PRAMEF15: variants seen among roughly 807,000 people sequenced by gnomAD.
The protein encoded by PRAMEF15 is PRAME family member 15, also known as PRAME family member 9/15.
In PRAMEF15, 21 loss-of-function variants were observed where a neutral mutation model predicts 35.3. The ratio of observed to expected loss-of-function variants is 0.59; its 90% CI spans 0.42 to 0.86. The LOEUF (loss-of-function observed/expected upper bound fraction) is 0.86. Among genes scored for constraint, PRAMEF15 ranks in the 40% least tolerant of loss-of-function variants. The pLI is 0.00. For missense variants in PRAMEF15, 360 were observed against 574.1 expected, an observed-to-expected ratio of 0.63 and a Z score of 3.81; for synonymous variants, 122 against 223.3, an observed-to-expected ratio of 0.55 and a Z score of 4.05.
chr1:13,316,009 T>C lies in PRAMEF15; in HGVS notation c.-17+351T>C, dbSNP rs1232043992. Among the ~76,000 whole-genome samples, 9 of 150,848 alleles carry C rather than the reference T, an allele frequency of 6.0e-5. 1 individual carries two copies. The highest frequency in any genetic ancestry group is 2.2e-4 in the African/African-American group (9 of 40,836). On this transcript the variant is annotated intron_variant, in intron 1 of 3. Transcript: ENST00000376152. ...AACCCTCCTCTGCACAACGTTTTTTTTGGGGGTGGGGATGGAGTCTCACTG... is the reference window on the plus strand; with the variant it reads ...AACCCTCCTCTGCACAACGTTTTTTCTGGGGGTGGGGATGGAGTCTCACTG...
intron 1 of PRAMEF15, among the ~76,000 whole-genome samples, chr1:13,316,259 C>T (rs1393993509): frequency 2.0e-5 from 3 of 151,628 alleles, no homozygotes; most frequent in Non-Finnish European, 4.4e-5. Flanking sequence ...CTGCCTTGGC[C>T]TCCCAAAGTG....
chr1:13,321,819 G>A lies in PRAMEF15; in HGVS notation c.992G>A (p.Ser331Asn), dbSNP rs1221653023. Reference sequence around the variant, plus strand: ...AGTCAACTAAAGACCCTGGACCTGAGTGGCATCAGACTGACCAATTATAGT... The same window carrying A: ...AGTCAACTAAAGACCCTGGACCTGAATGGCATCAGACTGACCAATTATAGT... ...SISQLKTLDL[S>N]GIRLTNYSLV... Residue 331 changes from serine (S) to asparagine (N), a missense_variant, in exon 4 of 4, where the codon AGT becomes AAT. Physicochemically the swap from Ser to Asn is conservative, Grantham distance 46. Transcript: ENST00000376152. 6.8e-6 allele frequency: 11 copies of A among 1,608,130 alleles called. 1 individual carries two copies. The highest frequency in any genetic ancestry group is 9.3e-6 in the Non-Finnish European group (11 of 1,177,560).
intron 1 of PRAMEF15, among the ~76,000 whole-genome samples, chr1:13,316,903 G>A (rs1222160475): frequency 4.0e-5 from 6 of 150,420 alleles, no homozygotes; most frequent in African/African-American, 2.5e-5. Flanking sequence ...ACACATATTA[G>A]TAAAACTCCA....
At chr1:13,315,775 T>TAAA (rs1425537947) in intron 1 of PRAMEF15, 117 bp downstream of exon 1, 1 of 150,136 alleles carries the variant, frequency 6.7e-6, no homozygotes. Flanking sequence ...TTTTTTTTTT[T>TAAA]TATATGAACA....
At chr1:13,320,480 G>C (rs1472484282) in intron 3 of PRAMEF15, among the ~76,000 whole-genome samples, 4 of 152,200 alleles carry the variant, frequency 2.6e-5, no homozygotes, top group Admixed American at 1.3e-4. Context: ...CTACAGTGCA[G>C]TTGTGACATC....
intron 3 of PRAMEF15, among the ~76,000 whole-genome samples, chr1:13,320,181 G>A (rs1220575020): frequency 3.9e-5 from 6 of 152,068 alleles, no homozygotes; most frequent in Admixed American, 1.3e-4. Context: ...AGGCTGCCAT[G>A]CTAGGAAGCT....
In PRAMEF15 at chr1:13,322,052, A is replaced by C; in HGVS notation, c.1225A>C (p.Asn409His). 1 of 1,609,796 alleles carries C rather than the reference A, an allele frequency of 6.2e-7. No individual in the cohort carries two copies. The highest frequency in any genetic ancestry group is 8.5e-7 in the Non-Finnish European group (1 of 1,179,006). Residue 409 changes from asparagine (N) to histidine (H), a missense_variant, in exon 4 of 4, where the codon AAC becomes CAC. Physicochemically the swap from Asn to His is moderately conservative, Grantham distance 68 (BLOSUM62 1). Transcript: ENST00000376152. ...GCTGAGCCACACAATCATACTCAAA[A>C]ACTTATGTGTGGAGCTGTATCCTGC... ...NLLSHTIILK[N>H]LCVELYPAPR... is the part of the protein sequence containing the mutation.
rs1439613479 is a variant in PRAMEF15, at chr1:13,321,807, C to A, written c.980C>A (p.Thr327Asn). ...SQCPSISQLK[T>N]LDLSGIRLTN... ...TGCCCGAGTATCAGTCAACTAAAGA[C>A]CCTGGACCTGAGTGGCATCAGACTG... The change falls in exon 4 of 4, where the codon ACC becomes AAC. Residue 327 changes from threonine to asparagine, a missense_variant. Around this residue, in one of 8 missense-constraint regions of PRAMEF15, gnomAD observed 72 missense variants for 79.9 expected, o/e 0.90. Coordinates refer to ENST00000376152, the MANE Select transcript of PRAMEF15 (RefSeq NM_001098376.3). 6.2e-7 allele frequency: 1 copy of A among 1,608,468 alleles called. No individual in the cohort carries two copies. The highest frequency in any genetic ancestry group is 8.5e-7 in the Non-Finnish European group (1 of 1,177,588).
At position 13,321,729 on chromosome 1, in the gene PRAMEF15, T is replaced by C. The variant is rs1640086497; in HGVS notation, c.902T>C (p.Leu301Pro). The C allele has an allele frequency of 5.6e-6, 9 of 1,608,074 alleles. 1 individual carries two copies. The highest frequency in any genetic ancestry group is 6.8e-6 in the Non-Finnish European group (8 of 1,177,420). The change falls in exon 4 of 4, where the codon CTC (leucine) becomes CCC (proline). Residue 301 changes from leucine (L) to proline (P), a missense_variant. By Grantham distance (98) the Leu-to-Pro change is moderately conservative. Around this residue, in one of 8 missense-constraint regions of PRAMEF15, gnomAD observed 72 missense variants for 79.9 expected, o/e 0.90. Coordinates refer to ENST00000376152, the MANE Select transcript of PRAMEF15 (RefSeq NM_001098376.3). ...TGTCTGAAGACCTCGTTAAAAGTCC[T>C]CACAATAACTAACTGTGTGCTTTTG... ...LSCLKTSLKV[L>P]TITNCVLLES...
At chr1:13,319,092 G>A (rs1449015668) in intron 2 of PRAMEF15, among the ~76,000 whole-genome samples, 6 of 151,736 alleles carry the variant, frequency 4.0e-5, no homozygotes, top group African/African-American at 1.5e-4. Context: ...TACTTGTGAG[G>A]TTGAGGCAGG....
intron 1 of PRAMEF15, among the ~76,000 whole-genome samples, chr1:13,317,947 T>C (rs1569791364): frequency 6.6e-6 from 1 of 151,728 alleles, no homozygotes; most frequent in Non-Finnish European, 1.5e-5. Flanking sequence ...GCTTAAATAA[T>C]GAAAAGAAAA....
At chr1:13,316,193 G>A (rs1219725903) in intron 1 of PRAMEF15, among the ~76,000 whole-genome samples, 4 of 151,664 alleles carry the variant, frequency 2.6e-5, no homozygotes, top group Non-Finnish European at 4.4e-5. Flanking sequence ...TAGTAGAGGT[G>A]GGGTTTCACC....
At chr1:13,316,036 G>A (rs1438239968) in intron 1 of PRAMEF15, among the ~76,000 whole-genome samples, 3 of 150,772 alleles carry the variant, frequency 2.0e-5, no homozygotes, top group Non-Finnish European at 4.4e-5. Flanking sequence ...GTCTCACTGT[G>A]TTGCCCAGAC....
chr1:13,321,603 G>C, intron 3 of PRAMEF15, 100 bp from the exon 4 acceptor site: 1 of 1,300,076 alleles, frequency 7.7e-7, no homozygotes. Context: ...CCCTGGACTT[G>C]GGCAAAAAGG....
intron 2 of PRAMEF15, among the ~76,000 whole-genome samples, chr1:13,319,022 C>G (rs1640043939): frequency 6.6e-6 from 1 of 151,824 alleles, no homozygotes; most frequent in African/African-American, 2.4e-5. Context: ...TGGTAAACCC[C>G]AACTCTACTA....
At chr1:13,321,384 T>G (rs1374538870) in intron 3 of PRAMEF15, among the ~76,000 whole-genome samples, 1 of 151,470 alleles carries the variant, frequency 6.6e-6, no homozygotes, top group East Asian at 1.9e-4. Context: ...CTGGCTAATT[T>G]TTGGATTTTT....
intron 3 of PRAMEF15, 30 bp from the exon 4 acceptor site, chr1:13,321,673 C>G (rs1209653210): frequency 1.2e-6 from 2 of 1,607,218 alleles, no homozygotes; most frequent in Non-Finnish European, 8.5e-7. Flanking sequence ...TATGATTCCC[C>G]AGAATTAACT....
intron 1 of PRAMEF15, 67 bp from the exon 2 acceptor site, chr1:13,318,325 G>A (rs1640033008): frequency 1.3e-6 from 2 of 1,590,378 alleles, no homozygotes; most frequent in Admixed American, 1.7e-5. Context: ...TTGGCCATAG[G>A]AGAAGATGAG....
In PRAMEF15 at chr1:13,321,790, T is replaced by A. The variant is rs1344342061; in HGVS notation, c.963T>A (p.Ser321Arg). ...SDLKHLSQCPSISQLKTLDLS... is the reference protein window; with the variant it reads ...SDLKHLSQCPRISQLKTLDLS... ...TGAAGCATCTATCCCAGTGCCCGAG[T>A]ATCAGTCAACTAAAGACCCTGGACC... The change falls in exon 4 of 4, where the codon AGT becomes AGA. Residue 321 changes from serine to arginine, a missense_variant. Coordinates refer to ENST00000376152, the MANE Select transcript of PRAMEF15 (RefSeq NM_001098376.3). The A allele has an allele frequency of 6.2e-7, 1 of 1,608,576 alleles. No homozygotes were observed. The highest frequency in any genetic ancestry group is 2.3e-5 in the East Asian group (1 of 43,844).
Sources: gnomAD v4.1 joint callset for allele counts (sites outside exome capture counted in the v4.1 genomes callset) on GRCh38, gnomAD v4.1.1 for gene constraint, gnomAD v4.1.1 regional missense constraint, MANE v1.5 for transcripts, NCBI Gene and HGNC (gene_info 2026-07-23, HGNC 2026-07-21) for gene names.